The following STK10 variants were observed in gnomAD, a reference collection of about 807,000 sequenced individuals.
STK10 encodes serine/threonine-protein kinase 10.
Under a neutral mutation model 113.8 loss-of-function variants are expected in STK10, and 78 were observed. The ratio of observed to expected loss-of-function variants is 0.69; its 90% confidence interval spans 0.57 to 0.83. The LOEUF (loss-of-function observed/expected upper bound fraction) is 0.83. STK10 is among the 40% of genes least tolerant of loss of function. The pLI is 0.00. For missense variants in STK10, 1,109 were observed against 1,280.1 expected (o/e 0.87, Z 2.04); for synonymous variants, 465 against 494.7 (o/e 0.94, Z 0.80).
chr5:172,094,847 T>C (rs747763234), intron 8 of STK10, among the ~76,000 whole-genome samples: 4 of 152,238 alleles, frequency 2.6e-5, no homozygotes, highest in Non-Finnish European at 5.9e-5. Context: ...AGTTTTCAGC[T>C]TCATTTTTGT....
intron 13 of STK10, among the ~76,000 whole-genome samples, chr5:172,061,887 G>A (rs753594893): frequency 1.1e-4 from 16 of 152,150 alleles, no homozygotes; most frequent in Middle Eastern, 3.2e-3. Flanking sequence ...TTGGGGTCAG[G>A]GAGTGAATGA....
intron 7 of STK10, among the ~76,000 whole-genome samples, chr5:172,103,137 T>C (rs1769029784): frequency 6.6e-6 from 1 of 152,062 alleles, no homozygotes; most frequent in East Asian, 1.9e-4. Flanking sequence ...GCACTGGAGG[T>C]GGGGGCTGGG....
intron 10 of STK10, among the ~76,000 whole-genome samples, chr5:172,087,765 A>G (rs1040334909): frequency 7.6e-6 from 1 of 132,242 alleles, no homozygotes; most frequent in African/African-American, 3.2e-5. Context: ...AGTAGCTGGG[A>G]CTACAGGCGC....
In STK10 at chr5:172,093,435, C is replaced by G. The variant is rs762586248; in HGVS notation, c.1531G>C (p.Glu511Gln). The G allele has an allele frequency of 1.2e-6, 2 of 1,602,276 alleles. No individual in the cohort carries two copies. Among genetic ancestry groups the G allele is most frequent in the Non-Finnish European group, 1.7e-6 (2 of 1,170,554 alleles). The change falls in exon 9 of 19, where the codon GAG (glutamate) becomes CAG (glutamine). Residue 511 changes from glutamate to glutamine, a missense_variant. Around this residue, in one of 5 missense-constraint regions of STK10, gnomAD observed 885 missense variants for 991.1 expected, o/e 0.89. Coordinates refer to ENST00000176763, the MANE Select transcript of STK10 (RefSeq NM_005990.4). The surrounding 1 kb of genome is among the most constrained non-coding windows in gnomAD (Gnocchi z 4.1). ...NLSTDLSLNK[E>Q]MGSLSIKDPK... ...ACCTTGATGGACAGAGAGCCCATCTCTTTGTTCAGCGACAGGTCAGTGGAG... is the reference window on the plus strand; with the variant it reads ...ACCTTGATGGACAGAGAGCCCATCTGTTTGTTCAGCGACAGGTCAGTGGAG...
chr5:172,059,231 G>A (rs1418194785), intron 14 of STK10, among the ~76,000 whole-genome samples: 1 of 151,982 alleles, frequency 6.6e-6, no homozygotes, highest in African/African-American at 2.4e-5. Context: ...GACCGGCCTG[G>A]CCAACATGGT....
chr5:172,105,341 C>G (rs913684037), intron 7 of STK10, among the ~76,000 whole-genome samples: 3 of 152,088 alleles, frequency 2.0e-5, no homozygotes, highest in Non-Finnish European at 4.4e-5. Context: ...ATCCCAGGCG[C>G]CCCACCCCTG....
chr5:172,119,859 A>G (rs10476007), intron 3 of STK10, among the ~76,000 whole-genome samples: 49,958 of 150,126 alleles, frequency 0.33, 9,552 homozygotes, highest in African/African-American at 0.53. Flanking sequence ...GCGAGACTCC[A>G]TCTCAAAAAA....
chr5:172,047,899 G>GTTTTT (rs11438537), intron 18 of STK10, among the ~76,000 whole-genome samples: 7 of 109,798 alleles, frequency 6.4e-5, no homozygotes, highest in African/African-American at 1.2e-4. Context: ...TGTTTTTTGG[G>GTTTTT]TTTTTTTTTT....
At chr5:172,167,442 C>T (rs748753653) in intron 1 of STK10, among the ~76,000 whole-genome samples, 2 of 152,104 alleles carry the variant, frequency 1.3e-5, no homozygotes, top group South Asian at 2.1e-4. Flanking sequence ...TGGACAGGGA[C>T]GAGCTAAAAC....
intron 7 of STK10, among the ~76,000 whole-genome samples, chr5:172,099,101 TCAC>T: frequency 6.6e-6 from 1 of 151,500 alleles, no homozygotes; most frequent in Non-Finnish European, 1.5e-5. Context: ...ACCATTACCA[TCAC>T]CACCATCACT....
intron 1 of STK10, among the ~76,000 whole-genome samples, chr5:172,163,102 G>A (rs554700776): frequency 9.2e-5 from 14 of 152,180 alleles, no homozygotes; most frequent in Non-Finnish European, 2.1e-4. Context: ...TCACCTTGAG[G>A]CCACAGGAGA....
At position 172,114,289 on chromosome 5, in the gene STK10, CGT is replaced by C. The variant is rs111441878; in HGVS notation, c.520+3190_520+3191del. ...TTGTGTACAGGACTCTAGCTACTCTCGTGTGTGTGTGTGTGTGTGTGTGTGTA... is the reference window on the plus strand; with the variant it reads ...TTGTGTACAGGACTCTAGCTACTCTCGTGTGTGTGTGTGTGTGTGTGTGTA... On this transcript the variant is annotated intron_variant, in intron 4 of 18. Coordinates refer to ENST00000176763, the MANE Select transcript of STK10 (RefSeq NM_005990.4). 3.0e-3 allele frequency among the ~76,000 whole-genome samples: 418 copies of C among 138,556 alleles called. 8 individuals carry two copies. The highest frequency in any genetic ancestry group is 0.011 in the Middle Eastern group (3 of 280). The allele number at this position is 138,556 out of a possible 152,430, so 90.9% of individuals were successfully genotyped here.
At chr5:172,103,076 C>T (rs59385712) in intron 7 of STK10, among the ~76,000 whole-genome samples, 1,894 of 152,346 alleles carry the variant, frequency 0.012, 43 homozygotes, top group African/African-American at 0.042. Context: ...CACAGGGAGA[C>T]GTGAGAGCCA....
rs1768441930 is a variant in STK10 at position 172,082,050 on chromosome 5, G to A, written c.1989+276C>T. Among the ~76,000 whole-genome samples, 1 of 152,130 alleles carries A rather than the reference G, an allele frequency of 6.6e-6. No individual in the cohort carries two copies. The highest frequency in any genetic ancestry group is 6.5e-5 in the Admixed American group (1 of 15,280). On this transcript the variant is annotated intron_variant, in intron 12 of 18. Transcript: ENST00000176763. This position sits in a 1 kb window ranked among gnomAD's most constrained non-coding sequence, Gnocchi z 4.3. Reference sequence around the variant, plus strand: ...CCTTCTTCCCCGCTCTTTCTCGGCAGGGGTTGCTAAGCTGGGAGGATGTAA... The same window carrying A: ...CCTTCTTCCCCGCTCTTTCTCGGCAAGGGTTGCTAAGCTGGGAGGATGTAA...
intron 10 of STK10, among the ~76,000 whole-genome samples, chr5:172,088,595 A>G (rs1768622618): frequency 1.3e-5 from 2 of 152,240 alleles, no homozygotes; most frequent in African/African-American, 4.8e-5. Context: ...TTAATGTTCT[A>G]GAAATTTTCT....
At chr5:172,170,321 C>A (rs1770645667) in intron 1 of STK10, among the ~76,000 whole-genome samples, 1 of 152,084 alleles carries the variant, frequency 6.6e-6, no homozygotes, top group African/African-American at 2.4e-5. Flanking sequence ...TGAAAGATGG[C>A]ACCTCTTTAC....
At chr5:172,128,581 C>T (rs376505014) in intron 2 of STK10, among the ~76,000 whole-genome samples, 5 of 152,206 alleles carry the variant, frequency 3.3e-5, no homozygotes, top group African/African-American at 1.2e-4. Context: ...TCCACCCGCC[C>T]TGGCCTCCCA....
intron 10 of STK10, among the ~76,000 whole-genome samples, chr5:172,087,989 G>C (rs904876056): frequency 6.6e-6 from 1 of 151,726 alleles, no homozygotes; most frequent in African/African-American, 2.4e-5. Context: ...GCGGTGGCAT[G>C]AACGCAGCTC....
chr5:172,079,004 A>G (rs1299353670), intron 12 of STK10, among the ~76,000 whole-genome samples: 1 of 152,122 alleles, frequency 6.6e-6, no homozygotes, highest in Non-Finnish European at 1.5e-5. Context: ...GACAGGGCGC[A>G]GAGCCAAGGA....
Sources: allele counts gnomAD v4.1 joint callset (sites outside exome capture counted in the v4.1 genomes callset), GRCh38; gene constraint gnomAD v4.1.1; regional missense constraint gnomAD v4.1.1; non-coding constraint Gnocchi (gnomAD v3.1); transcripts MANE v1.5; gene names NCBI Gene and HGNC (gene_info 2026-07-23, HGNC 2026-07-21).